The following HPS3 variants were observed in gnomAD, a reference collection of about 807,000 sequenced individuals.
The protein encoded by HPS3 is BLOC-2 complex member HPS3.
Under a neutral mutation model 110.9 loss-of-function variants are expected in HPS3, and 79 were observed. The ratio of observed to expected loss-of-function variants is 0.71; its 90% CI spans 0.59 to 0.86. The LOEUF (loss-of-function observed/expected upper bound fraction) is 0.86. HPS3 is among the 40% of genes least tolerant of loss of function. The probability of loss-of-function intolerance (pLI) is 0.00; values close to 1 mark genes in which losing one functional copy is unlikely to be tolerated. For synonymous variants in HPS3, 428 were observed against 451.0 expected, an observed-to-expected ratio of 0.95 and a Z score of 0.65; for missense variants, 1,197 against 1,206.2, an observed-to-expected ratio of 0.99 and a Z score of 0.11.
At chr3:149,132,305 G>A (rs1721829175) in intron 1 of HPS3, among the ~76,000 whole-genome samples, 1 of 152,226 alleles carries the variant, frequency 6.6e-6, no homozygotes, top group Admixed American at 6.5e-5. Flanking sequence ...AGAACAGGCT[G>A]ACTCTTGTTA....
chr3:149,164,038 A>G (rs1701983533), intron 14 of HPS3, 89 bp downstream of exon 14: 1 of 705,940 alleles, frequency 1.4e-6, no homozygotes, highest in Non-Finnish European at 2.5e-6. Flanking sequence ...TGTCCTGTTA[A>G]TCTAGAATGT....
chr3:149,170,386 T>C (rs1409240862), intron 16 of HPS3: 2 of 152,222 alleles, frequency 1.3e-5, no homozygotes, highest in Admixed American at 6.5e-5. Context: ...TAATTCATAT[T>C]TTTCACATAC....
chr3:149,135,848 C>G (rs980118527), intron 1 of HPS3, among the ~76,000 whole-genome samples: 3 of 152,044 alleles, frequency 2.0e-5, no homozygotes, highest in African/African-American at 7.2e-5. Flanking sequence ...GTGTACTAAA[C>G]CAGCCCCAGC....
At chr3:149,153,454 C>T in intron 6 of HPS3, 40 bp from the exon 7 acceptor site, 1 of 1,558,570 alleles carries the variant, frequency 6.4e-7, no homozygotes, top group Non-Finnish European at 8.9e-7. Context: ...AGTGCATGTA[C>T]CTTTATTTCT....
intron 13 of HPS3, among the ~76,000 whole-genome samples, chr3:149,163,377 G>A (rs1010310955): frequency 6.6e-5 from 10 of 152,074 alleles, no homozygotes; most frequent in East Asian, 1.9e-4. Context: ...TCTTGCTACC[G>A]TTCTTGCTCC....
At chr3:149,139,669 G>T (rs1390843732) in intron 1 of HPS3, among the ~76,000 whole-genome samples, 4 of 152,148 alleles carry the variant, frequency 2.6e-5, no homozygotes, top group African/African-American at 9.7e-5. Flanking sequence ...CCCTAATAGT[G>T]AATTCTGTGT....
At chr3:149,137,458 A>C (rs1339773633) in intron 1 of HPS3, among the ~76,000 whole-genome samples, 2 of 152,270 alleles carry the variant, frequency 1.3e-5, no homozygotes, top group African/African-American at 4.8e-5. Flanking sequence ...ATGATCCAGC[A>C]ATTCCACTTC....
chr3:149,144,547 A>G, intron 4 of HPS3, among the ~76,000 whole-genome samples: 1 of 152,228 alleles, frequency 6.6e-6, no homozygotes, highest in South Asian at 2.1e-4. Flanking sequence ...GGCTCTTTTA[A>G]TATCTAGGCT....
intron 4 of HPS3, among the ~76,000 whole-genome samples, chr3:149,143,414 C>G (rs895792248): frequency 6.6e-6 from 1 of 152,186 alleles, no homozygotes; most frequent in Non-Finnish European, 1.5e-5. Context: ...TCTGACCTCT[C>G]AATTTAAAAT....
chr3:149,161,949 TA>T (rs1723904861), intron 11 of HPS3, among the ~76,000 whole-genome samples, 198 bp from the exon 12 acceptor site: 1 of 152,228 alleles, frequency 6.6e-6, no homozygotes, highest in Non-Finnish European at 1.5e-5. Flanking sequence ...GATTCTTAGT[TA>T]AATGTTAGTA....
intron 16 of HPS3, chr3:149,170,475 AT>A (rs1724866259): frequency 6.6e-6 from 1 of 152,286 alleles, no homozygotes; most frequent in African/African-American, 2.4e-5. Context: ...TTTTAGCTTA[AT>A]TTTCACGGGA....
chr3:149,168,505 G>C (rs763100834), intron 16 of HPS3: 13 of 158,846 alleles, frequency 8.2e-5, no homozygotes, highest in Non-Finnish European at 1.4e-4. Context: ...ATACTGCTGT[G>C]TGTTAATATA....
rs552393250 is a variant in HPS3 at position 149,143,129 on chromosome 3, G to T, written c.970+1749G>T. On this transcript the variant is annotated intron_variant, in intron 4 of 16. Transcript: ENST00000296051. ...TATTAGAGGGTCAGCTAAAGATCCA[G>T]TGAGCTTCCCATAGCACTTGGAATA... 6.6e-5 allele frequency among the ~76,000 whole-genome samples: 10 copies of T among 152,314 alleles called. 1 individual carries two copies. Among genetic ancestry groups the T allele is most frequent in the African/African-American group, 2.4e-4 (10 of 41,578 alleles).
chr3:149,150,737 T>C, intron 6 of HPS3, 57 bp downstream of exon 6: 2 of 1,333,206 alleles, frequency 1.5e-6, no homozygotes, highest in Non-Finnish European at 2.2e-6. Flanking sequence ...AGCACATGAA[T>C]ACTCGTAGAT....
intron 5 of HPS3, among the ~76,000 whole-genome samples, chr3:149,147,995 C>A (rs1378347564): frequency 6.6e-6 from 1 of 151,762 alleles, no homozygotes; most frequent in Non-Finnish European, 1.5e-5. Context: ...CTCAACCTCC[C>A]AAGTCGCTGG....
chr3:149,135,766 T>C (rs1428228520), intron 1 of HPS3, among the ~76,000 whole-genome samples: 2 of 152,066 alleles, frequency 1.3e-5, no homozygotes, highest in Admixed American at 6.5e-5. Flanking sequence ...CACTTGTTTA[T>C]GGGGTGTCTA....
chr3:149,134,492 A>G lies in HPS3; in HGVS notation c.217+4552A>G, dbSNP rs1721962944. Among the ~76,000 whole-genome samples, 3 of 152,232 alleles carry G rather than the reference A, an allele frequency of 2.0e-5. No individual in the cohort carries two copies. The South Asian group carries it at 6.2e-4, about 31-fold the overall frequency. On this transcript the variant is annotated intron_variant, in intron 1 of 16. Coordinates refer to ENST00000296051, the MANE Select transcript of HPS3 (RefSeq NM_032383.5). The stretch of plus-strand genomic sequence containing the variant: ...TATTTTAGAATTTGGAGTGGCAGGT[A>G]TTATGTAAACTTCTAGCTTTCTTAC...
chr3:149,168,931 C>A (rs1320487927), intron 16 of HPS3, among the ~76,000 whole-genome samples: 1 of 152,128 alleles, frequency 6.6e-6, no homozygotes, highest in Non-Finnish European at 1.5e-5. Flanking sequence ...AAGACTCTTT[C>A]TTCATCCTTT....
chr3:149,165,114 A>G (rs1357334324), intron 14 of HPS3, among the ~76,000 whole-genome samples: 2 of 152,156 alleles, frequency 1.3e-5, no homozygotes, highest in Non-Finnish European at 1.5e-5. Flanking sequence ...CTCTAGTACT[A>G]TTGTGATACA....
Sources: allele counts gnomAD v4.1 joint callset (sites outside exome capture counted in the v4.1 genomes callset), GRCh38; gene constraint gnomAD v4.1.1; transcripts MANE v1.5; gene names NCBI Gene and HGNC (gene_info 2026-07-23, HGNC 2026-07-21).